Variants in TENM1 observed in about 807,000 individuals in gnomAD.
The protein encoded by TENM1 is teneurin-1.
In TENM1, 35 loss-of-function variants were observed where a neutral mutation model predicts 174.8. The ratio of observed to expected loss-of-function variants is 0.20; its 90% CI spans 0.15 to 0.27. TENM1 has a LOEUF of 0.27. Among genes scored for constraint, TENM1 ranks in the 10% least tolerant of loss-of-function variants. The pLI is 1.00. For synonymous variants in TENM1, 781 were observed against 798.7 expected, an observed-to-expected ratio of 0.98 and a Z score of 0.37; for missense variants, 1,633 against 2,130.1, an observed-to-expected ratio of 0.77 and a Z score of 4.59.
At chrX:124,781,083 G>C (rs2054898224) in intron 3 of TENM1, among the ~76,000 whole-genome samples, 1 of 111,385 alleles carries the variant, frequency 9.0e-6, no homozygotes. Flanking sequence ...TTACCTTTAT[G>C]TTAACCTTAC....
At chrX:124,581,093 CTT>C (rs1202672213) in intron 11 of TENM1, among the ~76,000 whole-genome samples, 2 of 74,626 alleles carry the variant, frequency 2.7e-5, no homozygotes, top group Non-Finnish European at 4.7e-5. Flanking sequence ...GAGGTGGAGT[CTT>C]GCTCTGTCAC....
At chrX:124,548,416 T>G (rs1407177657) in intron 14 of TENM1, among the ~76,000 whole-genome samples, 1 of 111,013 alleles carries the variant, frequency 9.0e-6, no homozygotes, top group Admixed American at 9.6e-5. Flanking sequence ...CTGGGCTTAG[T>G]AGGAGAAAGA....
the TENM1 span, among the ~76,000 whole-genome samples, chrX:125,024,366 GCA>G: frequency 3.5e-3 from 362 of 103,189 alleles, no homozygotes; most frequent in Non-Finnish European, 4.4e-3. Flanking sequence ...ACATACATAT[GCA>G]CACACACACA....
chrX:124,589,134 A>T (rs1240141461), intron 11 of TENM1, among the ~76,000 whole-genome samples: 1 of 106,494 alleles, frequency 9.4e-6, no homozygotes, highest in Non-Finnish European at 1.9e-5. Context: ...TGGAGTTTAT[A>T]AAAAGCTTTT....
At chrX:125,186,174 A>G in the TENM1 span, among the ~76,000 whole-genome samples, 1 of 111,509 alleles carries the variant, frequency 9.0e-6, no homozygotes, top group African/African-American at 3.3e-5. Flanking sequence ...AAAAAAAATC[A>G]TATATGTATT....
rs751209669 is a variant in TENM1 at position 124,702,839 on chromosome X, G to T, written c.1015+2174C>A. 5.4e-5 allele frequency among the ~76,000 whole-genome samples: 6 copies of T among 111,345 alleles called. No individual in the cohort carries two copies. In the East Asian group the frequency reaches 1.7e-3, roughly 31 times the overall value. On this transcript the variant is annotated intron_variant, in intron 5 of 31. Coordinates refer to ENST00000422452, the Ensembl canonical transcript of TENM1. ...GATACCTATCCTTAAGGATTGTTGTGAGAATTAAATGTGCTCATACAAGGA... is the reference window on the plus strand; with the variant it reads ...GATACCTATCCTTAAGGATTGTTGTTAGAATTAAATGTGCTCATACAAGGA...
intron 11 of TENM1, among the ~76,000 whole-genome samples, chrX:124,587,468 G>C (rs1311735850): frequency 1.1e-4 from 12 of 110,043 alleles, no homozygotes; most frequent in Non-Finnish European, 2.1e-4. Context: ...AATGGTGCTG[G>C]GAAAACTGGC....
At chrX:124,969,560 G>A in the TENM1 span, among the ~76,000 whole-genome samples, 1 of 112,367 alleles carries the variant, frequency 8.9e-6, no homozygotes, top group Non-Finnish European at 1.9e-5. Flanking sequence ...CTATATTAGT[G>A]CTTTTCCTAC....
the TENM1 span, among the ~76,000 whole-genome samples, chrX:125,159,920 C>A: frequency 3.6e-5 from 4 of 111,767 alleles, no homozygotes; most frequent in Non-Finnish European, 7.5e-5. Flanking sequence ...AAATTGGAGG[C>A]AGGGCATGGT....
chrX:125,166,748 T>C, the TENM1 span, among the ~76,000 whole-genome samples: 1 of 111,589 alleles, frequency 9.0e-6, no homozygotes, highest in African/African-American at 3.2e-5. Flanking sequence ...ATCAAATCCT[T>C]ATAAGGAGTT....
chrX:124,996,722 C>T, the TENM1 span, among the ~76,000 whole-genome samples: 11,397 of 110,451 alleles, frequency 0.1, 534 homozygotes, highest in South Asian at 0.22. Flanking sequence ...GTACAGCAGG[C>T]TAATCAACCT....
At chrX:124,893,233 C>G (rs1328260261) in intron 3 of TENM1, among the ~76,000 whole-genome samples, 1 of 112,078 alleles carries the variant, frequency 8.9e-6, no homozygotes, top group South Asian at 3.7e-4. Flanking sequence ...GTAAGACATA[C>G]AGAACAGAGC....
intron 23 of TENM1, among the ~76,000 whole-genome samples, chrX:124,434,520 C>T (rs1455504371): frequency 1.8e-5 from 2 of 112,156 alleles, no homozygotes; most frequent in Admixed American, 1.9e-4. Context: ...CTCTCTGAGT[C>T]TGCTGTGTAA....
chrX:125,009,280 G>A, the TENM1 span, among the ~76,000 whole-genome samples: 9 of 110,924 alleles, frequency 8.1e-5, no homozygotes, highest in East Asian at 8.5e-4. Context: ...AACTACAAAA[G>A]CTAGAATAAA....
At chrX:124,453,205 G>A (rs2061063990) in intron 23 of TENM1, 132 bp downstream of exon 26, 1 of 642,597 alleles carries the variant, frequency 1.6e-6, no homozygotes, top group Non-Finnish European at 2.3e-6. Flanking sequence ...CTTACATAAA[G>A]AGAAACTTCT....
At chrX:124,611,796 T>C (rs1471777704) in intron 11 of TENM1, among the ~76,000 whole-genome samples, 7 of 111,662 alleles carry the variant, frequency 6.3e-5, no homozygotes, top group Non-Finnish European at 1.3e-4. Context: ...ATGTATTAGG[T>C]GCACATAATG....
At chrX:124,661,129 A>C (rs2051590061) in intron 6 of TENM1, among the ~76,000 whole-genome samples, 1 of 111,753 alleles carries the variant, frequency 8.9e-6, no homozygotes, top group African/African-American at 3.3e-5. Context: ...CTATAGAGAC[A>C]GTAGATTAGT....
At chrX:124,682,225 T>A (rs1351506363) in intron 5 of TENM1, among the ~76,000 whole-genome samples, 1 of 111,847 alleles carries the variant, frequency 8.9e-6, no homozygotes, top group African/African-American at 3.2e-5. Flanking sequence ...CTGGAAGTTG[T>A]AGGTTTTGGG....
intron 23 of TENM1, among the ~76,000 whole-genome samples, chrX:124,436,108 C>T (rs1216782189): frequency 9.0e-6 from 1 of 111,431 alleles, no homozygotes; most frequent in East Asian, 2.8e-4. Context: ...ATCTGAGTGA[C>T]TCCAGCAGCA....
Sources: gnomAD v4.1 joint callset for allele counts (sites outside exome capture counted in the v4.1 genomes callset) on GRCh38, gnomAD v4.1.1 for gene constraint, MANE v1.5 for transcripts, NCBI Gene and HGNC (gene_info 2026-07-23, HGNC 2026-07-21) for gene names.